Variants in FBXO31 observed in about 807,000 individuals in gnomAD.
FBXO31 encodes the protein F-box only protein 31.
A neutral mutation model predicts 54.4 loss-of-function variants in FBXO31; 24 were observed. The observed-to-expected ratio is 0.44, with a 90% confidence interval of 0.32 to 0.62. The LOEUF is 0.62. Ranked by LOEUF, FBXO31 falls within the 20% of genes least tolerant of loss-of-function variation. The pLI, the probability that FBXO31 is intolerant of heterozygous loss-of-function variation, is 0.05. For missense variants in FBXO31, 665 were observed against 787.1 expected (o/e 0.84, Z 1.86); for synonymous variants, 388 against 335.6 (o/e 1.16, Z -1.71).
At chr16:87,369,281 A>G (rs994326384) in intron 1 of FBXO31, among the ~76,000 whole-genome samples, 1 of 151,922 alleles carries the variant, frequency 6.6e-6, no homozygotes, top group African/African-American at 2.4e-5. Flanking sequence ...CTCCTCCACC[A>G]TCCACGTGAA....
At chr16:87,382,294 G>T (rs1907112097) in intron 1 of FBXO31, among the ~76,000 whole-genome samples, 1 of 152,180 alleles carries the variant, frequency 6.6e-6, no homozygotes. Flanking sequence ...AGGTACACAC[G>T]ACTCAGAGGT....
At chr16:87,377,153 G>C (rs1408529753) in intron 1 of FBXO31, among the ~76,000 whole-genome samples, 1 of 152,216 alleles carries the variant, frequency 6.6e-6, no homozygotes, top group Non-Finnish European at 1.5e-5. Context: ...GATTAAAGTT[G>C]GAAATTTTAG....
At chr16:87,389,064 T>A (rs1008792851) in intron 1 of FBXO31, among the ~76,000 whole-genome samples, 1 of 152,164 alleles carries the variant, frequency 6.6e-6, no homozygotes, top group African/African-American at 2.4e-5. Flanking sequence ...AAATGTTTCA[T>A]AAATACTCAA....
At position 87,383,720 on chromosome 16, in the gene FBXO31, C is replaced by A; in HGVS notation, c.25G>T (p.Gly9Cys). Residue 9 changes from glycine (G) to cysteine (C), a missense_variant, in exon 1 of 9, where the codon GGC becomes TGC. Physicochemically the swap from Gly to Cys is radical, Grantham distance 159. Coordinates refer to ENST00000311635, the MANE Select transcript of FBXO31 (RefSeq NM_024735.5). This position sits in a 1 kb window ranked among gnomAD's most constrained non-coding sequence, Gnocchi z 4.9. ...CGACATCCGCGCGACGGGCCCACGCCGCAAAGGCGAGCACACACCGCCATG... is the reference window on the plus strand; with the variant it reads ...CGACATCCGCGCGACGGGCCCACGCAGCAAAGGCGAGCACACACCGCCATG... MAVCARLC[G>C]VGPSRGCRRR... 1 of 1,250,864 alleles carries A rather than the reference C, an allele frequency of 8.0e-7. No individual in the cohort carries two copies. Among genetic ancestry groups the A allele is most frequent in the Non-Finnish European group, 1.0e-6 (1 of 1,003,530 alleles). The allele number at this position is 1,250,864 out of a possible 1,614,324, so 77.5% of individuals were successfully genotyped here. A position where few individuals can be genotyped will look rare whatever the true frequency, so the allele number is the denominator to read the frequency against.
At chr16:87,391,388 C>A (rs768754267), upstream of FBXO31, among the ~76,000 whole-genome samples, 1 of 152,198 alleles carries the variant, frequency 6.6e-6, no homozygotes. Context: ...AACCAAATAT[C>A]GCATGGTGGT....
At chr16:87,334,318 G>A (rs753053420) in intron 7 of FBXO31, 32 bp from the exon 8 acceptor site, 5 of 1,534,590 alleles carry the variant, frequency 3.3e-6, no homozygotes, top group Non-Finnish European at 4.4e-6. Context: ...GCAGGGCTCA[G>A]GCCAGCAGCA....
intron 3 of FBXO31, 87 bp downstream of exon 3, chr16:87,347,087 C>A: frequency 8.3e-7 from 1 of 1,208,744 alleles, no homozygotes. Context: ...CCAGCTTGTA[C>A]CCAGGTAGAA....
upstream of FBXO31, among the ~76,000 whole-genome samples, chr16:87,384,372 C>T (rs1411457899): frequency 1.3e-5 from 2 of 152,236 alleles, no homozygotes; most frequent in East Asian, 3.9e-4. Flanking sequence ...GGATCCCGAG[C>T]TCCCTGCGGA....
upstream of FBXO31, among the ~76,000 whole-genome samples, chr16:87,390,237 C>T (rs979397814): frequency 1.3e-5 from 2 of 151,934 alleles, no homozygotes; most frequent in South Asian, 2.1e-4. Context: ...GCTGAGATCA[C>T]GCCACTGCAC....
intron 2 of FBXO31, among the ~76,000 whole-genome samples, chr16:87,357,172 G>C (rs2150683875): frequency 6.6e-6 from 1 of 151,824 alleles, no homozygotes; most frequent in South Asian, 2.1e-4. Context: ...TTCAGCCCAG[G>C]AGTTCAAGGA....
Position 87,335,398 on chromosome 16 carries a change from T to G in FBXO31, c.902A>C (p.Lys301Thr). Residue 301 changes from lysine (K) to threonine (T), a missense_variant, in exon 7 of 9, where the codon AAG (lysine) becomes ACG (threonine). This residue lies in a region of FBXO31 where 234 missense variants were observed against 346.8 expected (regional missense o/e 0.67). Transcript: ENST00000311635. The surrounding 1 kb of genome is among the most constrained non-coding windows in gnomAD (Gnocchi z 5.7). ...ATAGGTACCTTTGAAGAGGCCAGGCTTGATGAGGTCGTCGGGGCGGCTGGG... is the reference window on the plus strand; with the variant it reads ...ATAGGTACCTTTGAAGAGGCCAGGCGTGATGAGGTCGTCGGGGCGGCTGGG... ...LPPSRPDDLI[K>T]PGLFKGTYGS... 3 of 1,613,966 alleles carry G rather than the reference T, an allele frequency of 1.9e-6. No individual in the cohort carries two copies. The highest frequency in any genetic ancestry group is 2.5e-6 in the Non-Finnish European group (3 of 1,179,990).
At chr16:87,343,012 C>A in intron 4 of FBXO31, 61 bp from the exon 5 acceptor site, 2 of 1,465,774 alleles carry the variant, frequency 1.4e-6, no homozygotes, top group East Asian at 2.4e-5. Context: ...CACAGCATCC[C>A]CCACCCCAGG....
In FBXO31 at chr16:87,342,940, C is replaced by A. The variant is rs201921022; in HGVS notation, c.669G>T (p.Lys223Asn). The A allele has an allele frequency of 8.3e-5, 134 of 1,607,420 alleles. No homozygotes were observed. Among genetic ancestry groups the A allele is most frequent in the South Asian group, 1.2e-4 (11 of 89,282 alleles). Residue 223 changes from lysine to asparagine, a missense_variant, in exon 5 of 9, where the codon AAG becomes AAT. Transcript: ENST00000311635. Reference sequence around the variant, plus strand: ...GGTTGCACTTGGTGGAGAACTCATCCTTCTTCACAATCTTCAGTGTTTGCA... The same window carrying A: ...GGTTGCACTTGGTGGAGAACTCATCATTCTTCACAATCTTCAGTGTTTGCA... ...PHHGHIQIVK[K>N]DEFSTKCNQT...
intron 3 of FBXO31, among the ~76,000 whole-genome samples, chr16:87,343,996 G>A (rs1905277074): frequency 6.6e-6 from 1 of 152,244 alleles, no homozygotes; most frequent in African/African-American, 2.4e-5. Context: ...ACGGGGTGAG[G>A]TGCCGACCAG....
chr16:87,357,477 C>T (rs926916459), intron 2 of FBXO31, among the ~76,000 whole-genome samples: 2 of 151,964 alleles, frequency 1.3e-5, no homozygotes, highest in South Asian at 2.1e-4. Context: ...TACAAGCACA[C>T]GCCACCACAC....
At chr16:87,347,803 T>C (rs1905460254) in intron 2 of FBXO31, among the ~76,000 whole-genome samples, 1 of 151,660 alleles carries the variant, frequency 6.6e-6, no homozygotes, top group African/African-American at 2.4e-5. Context: ...GGCTGGGAAC[T>C]CTCTCTTCTA....
intron 2 of FBXO31, among the ~76,000 whole-genome samples, chr16:87,351,205 C>T (rs914527899): frequency 2.6e-5 from 4 of 152,178 alleles, no homozygotes; most frequent in Non-Finnish European, 5.9e-5. Context: ...CACAAGCAAA[C>T]GGATTCATTC....
At chr16:87,360,203 G>A (rs1441708348) in intron 2 of FBXO31, 92 bp downstream of exon 2, 6 of 1,213,752 alleles carry the variant, frequency 4.9e-6, no homozygotes, top group Non-Finnish European at 4.9e-6. Flanking sequence ...ACAAAAGTGT[G>A]GACTAAATCA....
intron 5 of FBXO31, among the ~76,000 whole-genome samples, chr16:87,341,587 C>T (rs1313718890): frequency 4.5e-5 from 6 of 133,696 alleles, no homozygotes; most frequent in East Asian, 2.5e-4. Flanking sequence ...ACCGGGAAGG[C>T]GGAAGTTGCA....
Sources: gnomAD v4.1 joint callset for allele counts (sites outside exome capture counted in the v4.1 genomes callset) on GRCh38, gnomAD v4.1.1 for gene constraint, gnomAD v4.1.1 regional missense constraint, Gnocchi (gnomAD v3.1) non-coding constraint, MANE v1.5 for transcripts, NCBI Gene and HGNC (gene_info 2026-07-23, HGNC 2026-07-21) for gene names.